The following SHANK2 variants were observed in gnomAD, a reference collection of about 807,000 sequenced individuals.
The protein encoded by SHANK2 is SH3 and multiple ankyrin repeat domains protein 2.
A neutral mutation model predicts 133.7 loss-of-function variants in SHANK2; 43 were observed. The observed-to-expected ratio is 0.32, with a 90% CI of 0.25 to 0.41. SHANK2 has a LOEUF of 0.41. Among genes scored for constraint, SHANK2 ranks in the 10% least tolerant of loss-of-function variants. The probability of loss-of-function intolerance (pLI) is 1.00; values close to 1 mark genes in which losing one functional copy is unlikely to be tolerated. For missense variants in SHANK2, 1,994 were observed against 2,235.8 expected (o/e 0.89, Z 2.18); for synonymous variants, 1,017 against 952.8 (o/e 1.07, Z -1.24).
intron 17 of SHANK2, among the ~76,000 whole-genome samples, chr11:70,534,365 GCCC>G (rs1188290141): frequency 6.6e-6 from 1 of 152,128 alleles, no homozygotes. Context: ...GAAGGTAACC[GCCC>G]CCATGATTCA....
chr11:70,497,020 T>C (rs1565538805), intron 21 of SHANK2: 1 of 456,722 alleles, frequency 2.2e-6, no homozygotes. Context: ...AAAACAAATG[T>C]TCTTTTGAAC....
intron 11 of SHANK2, among the ~76,000 whole-genome samples, chr11:70,881,574 T>TTAA (rs71049950): frequency 4.8e-3 from 190 of 39,362 alleles, no homozygotes; most frequent in African/African-American, 7.6e-3. Context: ...AATAATAATA[T>TTAA]TAATAATAAT....
intron 17 of SHANK2, among the ~76,000 whole-genome samples, chr11:70,574,443 A>G (rs10899200): frequency 0.42 from 63,614 of 152,168 alleles, 13,971 homozygotes; most frequent in East Asian, 0.75. Context: ...CCAGCACTGC[A>G]ACTGTGACTG....
intron 14 of SHANK2, among the ~76,000 whole-genome samples, chr11:70,729,899 C>A (rs1946250002): frequency 4.2e-5 from 5 of 118,330 alleles, no homozygotes; most frequent in Middle Eastern, 4.5e-3. Flanking sequence ...CAAAGTGTTA[C>A]TAAAAAAAAA....
At chr11:70,795,007 C>T (rs1947876719) in intron 14 of SHANK2, among the ~76,000 whole-genome samples, 1 of 152,064 alleles carries the variant, frequency 6.6e-6, no homozygotes, top group South Asian at 2.1e-4. Context: ...AAAGAAGGTG[C>T]TAAGTCACGA....
intron 3 of SHANK2, among the ~76,000 whole-genome samples, chr11:71,137,694 A>G (rs1391888680): frequency 6.6e-6 from 1 of 152,224 alleles, no homozygotes; most frequent in East Asian, 1.9e-4. Context: ...AAATCTGACC[A>G]GAACTGGCTT....
chr11:70,948,066 C>A (rs531470315), intron 10 of SHANK2, among the ~76,000 whole-genome samples: 1 of 152,096 alleles, frequency 6.6e-6, no homozygotes, highest in Admixed American at 6.5e-5. Context: ...CACGTGTCAG[C>A]CCCACTCTTT....
At chr11:70,707,387 A>G (rs192285079) in intron 14 of SHANK2, among the ~76,000 whole-genome samples, 2 of 150,344 alleles carry the variant, frequency 1.3e-5, no homozygotes, top group Admixed American at 6.6e-5. Flanking sequence ...AAAAAAAAAA[A>G]AAAAAAAAAA....
intron 17 of SHANK2, among the ~76,000 whole-genome samples, chr11:70,646,881 G>A (rs946434710): frequency 3.4e-5 from 5 of 147,598 alleles, no homozygotes; most frequent in Non-Finnish European, 4.5e-5. Flanking sequence ...TTATTTTTGA[G>A]ACAGAGTATT....
At chr11:70,745,556 T>A (rs782312465) in intron 14 of SHANK2, among the ~76,000 whole-genome samples, 17 of 152,316 alleles carry the variant, frequency 1.1e-4, no homozygotes, top group Non-Finnish European at 1.6e-4. Flanking sequence ...GTGACTACCC[T>A]TGGAGTGTCC....
intron 25 of SHANK2, among the ~76,000 whole-genome samples, chr11:70,477,034 G>A (rs1424616323): frequency 1.3e-5 from 2 of 152,202 alleles, no homozygotes; most frequent in East Asian, 1.9e-4. Flanking sequence ...AGGCTCTGCA[G>A]GCAGCTGTGT....
At chr11:70,726,342 C>T (rs1555030675) in intron 14 of SHANK2, among the ~76,000 whole-genome samples, 15 of 152,160 alleles carry the variant, frequency 9.9e-5, no homozygotes, top group Non-Finnish European at 1.8e-4. Flanking sequence ...CTAAAAGGAG[C>T]ACCAGAAACC....
Position 70,487,521 on chromosome 11 carries a change from G to C in SHANK2, c.2772C>G (p.Phe924Leu). 6.2e-7 allele frequency: 1 copy of C among 1,613,948 alleles called. No homozygotes were observed. The highest frequency in any genetic ancestry group is 8.5e-7 in the Non-Finnish European group (1 of 1,180,016). Residue 924 changes from phenylalanine to leucine, a missense_variant, in exon 25 of 26, where the codon TTC becomes TTG. Around this residue, in one of 5 missense-constraint regions of SHANK2, gnomAD observed 488 missense variants for 642.6 expected, o/e 0.76. Coordinates refer to ENST00000601538, the MANE Select transcript of SHANK2 (RefSeq NM_012309.5). This position sits in a 1 kb window ranked among gnomAD's most constrained non-coding sequence, Gnocchi z 5.8. Reference sequence around the variant, plus strand: ...ACACCTTGGCGGCAGAATTCTGATTGAACGCAGGCTTAATCGTCCCGTAGA... The same window carrying C: ...ACACCTTGGCGGCAGAATTCTGATTCAACGCAGGCTTAATCGTCCCGTAGA... ...PRVYGTIKPA[F>L]NQNSAAKVSP... is the part of the protein sequence containing the mutation.
intron 17 of SHANK2, among the ~76,000 whole-genome samples, chr11:70,546,934 G>A (rs1243916841): frequency 2.0e-5 from 3 of 152,140 alleles, no homozygotes; most frequent in Non-Finnish European, 4.4e-5. Flanking sequence ...CCATCTGTGC[G>A]CTTCCGTATC....
chr11:70,567,336 G>A (rs1288454387), intron 17 of SHANK2, among the ~76,000 whole-genome samples: 2 of 152,072 alleles, frequency 1.3e-5, no homozygotes, highest in African/African-American at 4.8e-5. Context: ...CCTTATAAGA[G>A]CTGGAGATGA....
chr11:70,596,611 G>A (rs1027493302), intron 17 of SHANK2, among the ~76,000 whole-genome samples: 13 of 152,234 alleles, frequency 8.5e-5, no homozygotes, highest in Non-Finnish European at 1.8e-4. Flanking sequence ...GGCCCAGCAG[G>A]GCAACTGCCA....
chr11:71,193,288 C>G (rs1953827776), intron 2 of SHANK2, among the ~76,000 whole-genome samples: 9 of 152,184 alleles, frequency 5.9e-5, no homozygotes. Flanking sequence ...GCCGTCTCAT[C>G]AGAGCCTTGC....
chr11:70,727,003 ACCCTC>A (rs1250348767), intron 14 of SHANK2, among the ~76,000 whole-genome samples: 2 of 152,122 alleles, frequency 1.3e-5, no homozygotes, highest in African/African-American at 4.8e-5. Context: ...GGAACAGAAG[ACCCTC>A]CCTGCAGAAC....
Position 70,472,646 on chromosome 11 carries a change from G to A in SHANK2, c.*223C>T. The A allele has an allele frequency of 5.1e-6, 3 of 589,212 alleles. No individual in the cohort carries two copies. The highest frequency in any genetic ancestry group is 9.1e-6 in the Non-Finnish European group (3 of 329,404). 36.5% of individuals were successfully genotyped at this position (589,212 alleles called of 1,614,324 possible). On this transcript the variant is annotated 3_prime_UTR_variant, in exon 26 of 26. Transcript: ENST00000601538. The surrounding 1 kb of genome is among the most constrained non-coding windows in gnomAD (Gnocchi z 4.4). ...CATGTTAGAAAAACTCCCTCCCCTT[G>A]TCCCATGTGTGATAGAAACTGCCCA...
Sources: allele counts gnomAD v4.1 joint callset (sites outside exome capture counted in the v4.1 genomes callset), GRCh38; gene constraint gnomAD v4.1.1; regional missense constraint gnomAD v4.1.1; non-coding constraint Gnocchi (gnomAD v3.1); transcripts MANE v1.5; gene names NCBI Gene and HGNC (gene_info 2026-07-23, HGNC 2026-07-21).